Variants in SLC24A2 observed in about 807,000 individuals in gnomAD.
SLC24A2 encodes sodium/potassium/calcium exchanger 2.
Under a neutral mutation model 62.0 loss-of-function variants are expected in SLC24A2, and 36 were observed. The observed-to-expected ratio is 0.58, with a 90% confidence interval of 0.44 to 0.77. The LOEUF (loss-of-function observed/expected upper bound fraction) is 0.77. SLC24A2 is among the 30% of genes least tolerant of loss of function. The pLI is 0.00. For missense variants in SLC24A2, 846 were observed against 817.9 expected, an observed-to-expected ratio of 1.03 and a Z score of -0.42; for synonymous variants, 358 against 294.0, an observed-to-expected ratio of 1.22 and a Z score of -2.23.
the SLC24A2 span, among the ~76,000 whole-genome samples, chr9:19,884,332 T>C: frequency 6.6e-6 from 1 of 152,194 alleles, no homozygotes; most frequent in Admixed American, 6.5e-5. Context: ...TAATCAATAC[T>C]GCTGCTTGAT....
chr9:19,850,314 T>G, the SLC24A2 span, among the ~76,000 whole-genome samples: 1 of 152,164 alleles, frequency 6.6e-6, no homozygotes. Context: ...ATTTATATTT[T>G]GAACATTTTC....
chr9:19,791,534 G>C (rs1381527384), upstream of SLC24A2, among the ~76,000 whole-genome samples: 1 of 152,222 alleles, frequency 6.6e-6, no homozygotes, highest in South Asian at 2.1e-4. Flanking sequence ...TTCGACTCAA[G>C]ATTTGACAGT....
intron 1 of SLC24A2, chr9:19,788,499 T>C (rs996248978): frequency 4.1e-6 from 4 of 985,288 alleles, no homozygotes; most frequent in Non-Finnish European, 4.8e-6. Flanking sequence ...GGTGGATTAA[T>C]AGGAAAATAA....
the SLC24A2 span, among the ~76,000 whole-genome samples, chr9:19,980,925 C>T: frequency 1.3e-5 from 2 of 152,166 alleles, no homozygotes; most frequent in Admixed American, 6.5e-5. Context: ...AACTTGTATT[C>T]CCATCCCAAA....
In SLC24A2 at chr9:19,786,711, G is replaced by A; in HGVS notation, c.156C>T (p.Val52=). Residue 52 remains valine, a synonymous_variant, in exon 2 of 11, where the codon GTC becomes GTT. Coordinates refer to ENST00000341998, the MANE Select transcript of SLC24A2 (RefSeq NM_020344.4). The surrounding 1 kb of genome is among the most constrained non-coding windows in gnomAD (Gnocchi z 5.0). ...LFMGLVAIST[V]SFSISAFSET... is the part of the protein sequence containing the mutation. ...CAGAAAAGGCACTGATTGAAAATGA[G>A]ACAGTGCTAATGGCTACCAGACCCA... is the stretch of plus-strand genomic sequence containing the variant. 1 of 1,611,296 alleles carries A rather than the reference G, an allele frequency of 6.2e-7. No homozygotes were observed. The highest frequency in any genetic ancestry group is 1.3e-5 in the African/African-American group (1 of 74,910).
At chr9:19,674,761 T>C (rs1466684946) in intron 2 of SLC24A2, among the ~76,000 whole-genome samples, 1 of 152,150 alleles carries the variant, frequency 6.6e-6, no homozygotes, top group African/African-American at 2.4e-5. Flanking sequence ...CTTCCTATCT[T>C]GTATCTTTTT....
chr9:20,107,998 A>C, the SLC24A2 span, among the ~76,000 whole-genome samples: 1 of 152,224 alleles, frequency 6.6e-6, no homozygotes, highest in African/African-American at 2.4e-5. Flanking sequence ...AAACAAATTT[A>C]CAAGAAAAAA....
the SLC24A2 span, among the ~76,000 whole-genome samples, chr9:20,157,750 A>G: frequency 1.3e-5 from 2 of 151,592 alleles, no homozygotes; most frequent in Admixed American, 6.6e-5. Flanking sequence ...GGAAAAATAT[A>G]AAATTATTAA....
chr9:19,697,701 G>C (rs1331309203), intron 2 of SLC24A2, among the ~76,000 whole-genome samples: 4 of 152,006 alleles, frequency 2.6e-5, no homozygotes, highest in Admixed American at 2.0e-4. Flanking sequence ...ACATTTAGCA[G>C]GTTAAAATAA....
At chr9:20,306,960 A>G in the SLC24A2 span, among the ~76,000 whole-genome samples, 1 of 152,110 alleles carries the variant, frequency 6.6e-6, no homozygotes, top group Non-Finnish European at 1.5e-5. Context: ...AGCCTCCCAA[A>G]GTGCTGGGAT....
At chr9:19,943,493 C>G in the SLC24A2 span, among the ~76,000 whole-genome samples, 1 of 152,166 alleles carries the variant, frequency 6.6e-6, no homozygotes, top group South Asian at 2.1e-4. Context: ...TAATTCAAGG[C>G]TTTTTAAAAT....
chr9:19,793,520 A>G (rs955065929), upstream of SLC24A2, among the ~76,000 whole-genome samples: 8 of 152,230 alleles, frequency 5.3e-5, no homozygotes, highest in African/African-American at 1.9e-4. Context: ...ATCAATAATA[A>G]CTACCACAAT....
chr9:19,612,469 C>T (rs1462193186), intron 4 of SLC24A2, among the ~76,000 whole-genome samples: 2 of 152,156 alleles, frequency 1.3e-5, no homozygotes, highest in African/African-American at 2.4e-5. Context: ...TGTGTGCCAA[C>T]ATGCCCAGTG....
chr9:19,510,524 T>C lies in SLC24A2; in HGVS notation c.*5629A>G, dbSNP rs1832678964. 1 of 150,626 alleles carries C rather than the reference T, an allele frequency of 6.6e-6. No individual in the cohort carries two copies. Among genetic ancestry groups the C allele is most frequent in the African/African-American group, 2.4e-5 (1 of 40,820 alleles). 9.3% of individuals were successfully genotyped at this position (150,626 alleles called of 1,614,324 possible). ...GGGAGGCTTTTCTTGATGCTGATGG[T>C]TGTTAATCATTGAGCTGGGTCACAC... On this transcript the variant is annotated 3_prime_UTR_variant, in exon 11 of 11. Coordinates refer to ENST00000341998, the MANE Select transcript of SLC24A2 (RefSeq NM_020344.4).
the SLC24A2 span, among the ~76,000 whole-genome samples, chr9:20,068,922 C>A: frequency 2.0e-5 from 3 of 152,260 alleles, no homozygotes; most frequent in Non-Finnish European, 4.4e-5. Context: ...TTCCAGTTCA[C>A]AGCTTTCACT....
At chr9:19,872,672 C>T in the SLC24A2 span, among the ~76,000 whole-genome samples, 2 of 152,144 alleles carry the variant, frequency 1.3e-5, no homozygotes, top group East Asian at 1.9e-4. Flanking sequence ...GGCGGTAGGG[C>T]CTAGTACAAG....
At chr9:20,257,597 T>A in the SLC24A2 span, among the ~76,000 whole-genome samples, 1 of 152,190 alleles carries the variant, frequency 6.6e-6, no homozygotes, top group Non-Finnish European at 1.5e-5. Flanking sequence ...GAGGTGATTT[T>A]AAACCAGACT....
At chr9:20,053,292 G>C in the SLC24A2 span, among the ~76,000 whole-genome samples, 2 of 152,022 alleles carry the variant, frequency 1.3e-5, no homozygotes, top group Non-Finnish European at 2.9e-5. Flanking sequence ...TACCTCCTTG[G>C]AGGGCTATAT....
chr9:20,176,087 T>G, the SLC24A2 span, among the ~76,000 whole-genome samples: 2 of 152,116 alleles, frequency 1.3e-5, no homozygotes, highest in Non-Finnish European at 1.5e-5. Flanking sequence ...TAACAACACT[T>G]GGGCTTTTTC....
Sources: gnomAD v4.1 joint callset for allele counts (sites outside exome capture counted in the v4.1 genomes callset) on GRCh38, gnomAD v4.1.1 for gene constraint, Gnocchi (gnomAD v3.1) non-coding constraint, MANE v1.5 for transcripts, NCBI Gene and HGNC (gene_info 2026-07-23, HGNC 2026-07-21) for gene names.